The following STXBP6 variants were observed in gnomAD, a reference collection of about 807,000 sequenced individuals.
The protein encoded by STXBP6 is syntaxin binding protein 6.
A neutral mutation model predicts 26.9 loss-of-function variants in STXBP6; 21 were observed. The observed-to-expected ratio is 0.78, with a 90% CI of 0.55 to 1.12. The LOEUF (loss-of-function observed/expected upper bound fraction) is 1.12. Ranked by LOEUF, STXBP6 falls within the 50% of genes most tolerant of loss-of-function variation. The pLI is 0.00. For synonymous variants in STXBP6, 97 were observed against 92.6 expected (o/e 1.05, Z -0.27); for missense variants, 232 against 257.9 (o/e 0.90, Z 0.69).
chr14:24,814,455 T>C (rs2067912592), intron 5 of STXBP6, among the ~76,000 whole-genome samples: 1 of 152,250 alleles, frequency 6.6e-6, no homozygotes. Flanking sequence ...TGGTATTCAA[T>C]GAGCTGTTAA....
At chr14:24,888,257 CAA>C (rs2070661224) in intron 2 of STXBP6, among the ~76,000 whole-genome samples, 1 of 152,170 alleles carries the variant, frequency 6.6e-6, no homozygotes, top group Non-Finnish European at 1.5e-5. Flanking sequence ...AGCTATATTA[CAA>C]ATGGATAGGT....
intron 2 of STXBP6, among the ~76,000 whole-genome samples, chr14:24,948,610 A>C (rs2073067728): frequency 6.6e-6 from 1 of 152,038 alleles, no homozygotes; most frequent in Non-Finnish European, 1.5e-5. Flanking sequence ...GAGCACATGG[A>C]GCAAGCACCA....
chr14:24,950,250 A>T lies in STXBP6; in HGVS notation c.154+24415T>A, dbSNP rs1389548171. 4.3e-5 allele frequency among the ~76,000 whole-genome samples: 3 copies of T among 69,310 alleles called. No individual in the cohort carries two copies. In the East Asian group the frequency reaches 1.3e-3, roughly 29 times the overall value. 45.5% of individuals were successfully genotyped at this position (69,310 alleles called of 152,430 possible). On this transcript the variant is annotated intron_variant, in intron 2 of 5. Coordinates refer to ENST00000323944, the MANE Select transcript of STXBP6 (RefSeq NM_001394410.1). Reference sequence around the variant, plus strand: ...ACTGCTGGTGAGAGTGTAAATTGGTACCACCTTTGGAAATCTGTTTGGTAT... The same window carrying T: ...ACTGCTGGTGAGAGTGTAAATTGGTTCCACCTTTGGAAATCTGTTTGGTAT...
In STXBP6 at chr14:25,049,529, G is replaced by T. The variant is rs2075773094; in HGVS notation, c.-33+349C>A. ...CAGCATTCTCGGGGCCCATGCCATCGCGGGGACGGTGCGGAAAAAAAGGCT... is the reference window on the plus strand; with the variant it reads ...CAGCATTCTCGGGGCCCATGCCATCTCGGGGACGGTGCGGAAAAAAAGGCT... On this transcript the variant is annotated intron_variant, in intron 1 of 5. Coordinates refer to ENST00000323944, the MANE Select transcript of STXBP6 (RefSeq NM_001394410.1). This position sits in a 1 kb window ranked among gnomAD's most constrained non-coding sequence, Gnocchi z 5.6. 2.0e-6 allele frequency: 2 copies of T among 985,470 alleles called. No homozygotes were observed. Among genetic ancestry groups the T allele is most frequent in the Non-Finnish European group, 2.4e-6 (2 of 830,022 alleles). 61.0% of individuals were successfully genotyped at this position (985,470 alleles called of 1,614,324 possible).
At chr14:24,951,816 C>G (rs2073179145) in intron 2 of STXBP6, among the ~76,000 whole-genome samples, 2 of 151,862 alleles carry the variant, frequency 1.3e-5, no homozygotes, top group Admixed American at 6.6e-5. Context: ...CTATTTTAAT[C>G]CTTCTGGTGT....
intron 1 of STXBP6, among the ~76,000 whole-genome samples, chr14:25,004,651 G>A (rs779811361): frequency 6.6e-6 from 1 of 152,214 alleles, no homozygotes; most frequent in African/African-American, 2.4e-5. Context: ...AGGGTTGTTA[G>A]CTCTTTGAGG....
At chr14:24,910,089 C>A (rs187122034) in intron 2 of STXBP6, among the ~76,000 whole-genome samples, 20 of 152,182 alleles carry the variant, frequency 1.3e-4, no homozygotes, top group African/African-American at 4.6e-4. Context: ...CCCATCCACA[C>A]TGGCCTCACA....
At chr14:24,884,694 C>A (rs891296233) in intron 2 of STXBP6, among the ~76,000 whole-genome samples, 1 of 152,146 alleles carries the variant, frequency 6.6e-6, no homozygotes, top group African/African-American at 2.4e-5. Context: ...ATCTTCAATG[C>A]TAACTTTCCA....
chr14:25,042,500 C>T (rs2075659438), intron 1 of STXBP6, among the ~76,000 whole-genome samples: 1 of 152,154 alleles, frequency 6.6e-6, no homozygotes. Context: ...GCACATGATG[C>T]TAGGCACACT....
chr14:24,923,932 T>C (rs1469098027), intron 2 of STXBP6, among the ~76,000 whole-genome samples: 1 of 152,204 alleles, frequency 6.6e-6, no homozygotes, highest in Non-Finnish European at 1.5e-5. Flanking sequence ...ATTAACAACC[T>C]TTTCCTTTAT....
intron 1 of STXBP6, among the ~76,000 whole-genome samples, chr14:25,022,681 T>G (rs1219246669): frequency 6.6e-6 from 1 of 152,262 alleles, no homozygotes; most frequent in Non-Finnish European, 1.5e-5. Context: ...ACAGGTTTGC[T>G]GGCTGATGGT....
Position 24,987,929 on chromosome 14 carries a change from GAGA to G in STXBP6, c.-32-13082_-32-13080del, listed in dbSNP as rs10574699. On this transcript the variant is annotated intron_variant, in intron 1 of 5. Transcript: ENST00000323944. ...TTGTCCTAACGCTGAGGATACTGAGGAGAAGAAGAGCAACAAAGTACTTTCCCT... is the reference window on the plus strand; with the variant it reads ...TTGTCCTAACGCTGAGGATACTGAGGAGAAGAGCAACAAAGTACTTTCCCT... 1,915 of 973,040 alleles carry G rather than the reference GAGA, an allele frequency of 2.0e-3. 31 individuals are homozygous for G. In the African/African-American group the frequency reaches 0.031, roughly 16 times the overall value. The allele number at this position is 973,040 out of a possible 1,614,324, so 60.3% of individuals were successfully genotyped here. A position where few individuals can be genotyped will look rare whatever the true frequency, so the allele number is the denominator to read the frequency against.
chr14:25,022,052 T>A (rs936605701), intron 1 of STXBP6, among the ~76,000 whole-genome samples: 2 of 152,222 alleles, frequency 1.3e-5, no homozygotes, highest in Admixed American at 6.5e-5. Context: ...ATGTGAAAAC[T>A]CACAATTTTA....
intron 2 of STXBP6, among the ~76,000 whole-genome samples, chr14:24,889,851 T>A (rs186912051): frequency 6.6e-6 from 1 of 152,320 alleles, no homozygotes; most frequent in East Asian, 1.9e-4. Flanking sequence ...TACCATACAT[T>A]AAATAACATA....
chr14:24,851,742 G>A (rs1012167748), intron 4 of STXBP6, among the ~76,000 whole-genome samples: 1 of 151,934 alleles, frequency 6.6e-6, no homozygotes, highest in African/African-American at 2.4e-5. Flanking sequence ...GTACTTTCAG[G>A]GACCCCTGTC....
At chr14:24,959,246 G>C (rs2073445529) in intron 2 of STXBP6, among the ~76,000 whole-genome samples, 2 of 152,200 alleles carry the variant, frequency 1.3e-5, no homozygotes, top group African/African-American at 4.8e-5. Flanking sequence ...CTGAGGAACT[G>C]TGTTTTTAAT....
intron 4 of STXBP6, among the ~76,000 whole-genome samples, chr14:24,822,188 T>TC (rs1460866060): frequency 6.6e-6 from 1 of 152,050 alleles, no homozygotes; most frequent in Non-Finnish European, 1.5e-5. Context: ...TTCCTTTGGG[T>TC]CCCCTACTTA....
At chr14:25,012,371 G>A (rs1293229838) in intron 1 of STXBP6, among the ~76,000 whole-genome samples, 1 of 152,186 alleles carries the variant, frequency 6.6e-6, no homozygotes, top group African/African-American at 2.4e-5. Context: ...GCTCACATGT[G>A]TAATCCCAGC....
intron 4 of STXBP6, among the ~76,000 whole-genome samples, chr14:24,849,312 TA>T (rs2069068750): frequency 6.6e-6 from 1 of 152,136 alleles, no homozygotes; most frequent in Non-Finnish European, 1.5e-5. Flanking sequence ...TCTGTGTGTG[TA>T]CATGATTAAT....
Sources: allele counts gnomAD v4.1 joint callset (sites outside exome capture counted in the v4.1 genomes callset), GRCh38; gene constraint gnomAD v4.1.1; non-coding constraint Gnocchi (gnomAD v3.1); transcripts MANE v1.5; gene names NCBI Gene and HGNC (gene_info 2026-07-23, HGNC 2026-07-21).